NAV2: variants seen among roughly 807,000 people sequenced by gnomAD.
NAV2 encodes the protein helicase, APC down-regulated 1.
A neutral mutation model predicts 223.2 loss-of-function variants in NAV2; 54 were observed. The observed-to-expected ratio is 0.24, with a 90% CI of 0.19 to 0.30. NAV2 has a LOEUF of 0.30. NAV2 is among the 10% of genes least tolerant of loss of function. The probability of loss-of-function intolerance (pLI) is 1.00; values close to 1 mark genes in which losing one functional copy is unlikely to be tolerated. For missense variants in NAV2, 2,806 were observed against 3,147.5 expected (o/e 0.89, Z 2.60); for synonymous variants, 1,279 against 1,239.3 (o/e 1.03, Z -0.67).
At chr11:19,527,817 T>C (rs2043890584) in intron 1 of NAV2, among the ~76,000 whole-genome samples, 1 of 152,188 alleles carries the variant, frequency 6.6e-6, no homozygotes, top group Non-Finnish European at 1.5e-5. Flanking sequence ...TGGTCCCTTC[T>C]GACTGGTCAA....
intron 1 of NAV2, among the ~76,000 whole-genome samples, chr11:19,830,802 T>C (rs2059887060): frequency 1.3e-5 from 2 of 152,336 alleles, no homozygotes; most frequent in Non-Finnish European, 2.9e-5. Context: ...AATGATCTTT[T>C]AAATTTCAAG....
chr11:19,410,203 G>A lies in NAV2; in HGVS notation c.75+59176G>A, dbSNP rs532290142. Among the ~76,000 whole-genome samples the A allele has an allele frequency of 1.7e-3, 261 of 152,282 alleles. 2 individuals carry two copies. Among genetic ancestry groups the A allele is most frequent in the Non-Finnish European group, 2.8e-3 (192 of 68,018 alleles). Reference sequence around the variant, plus strand: ...AACATGCAGAGGCAGCCTTAACTGCGTTATAAAGGTGGCAAACTTTTTGTT... The same window carrying A: ...AACATGCAGAGGCAGCCTTAACTGCATTATAAAGGTGGCAAACTTTTTGTT... On this transcript the variant is annotated intron_variant, in intron 1 of 37. Coordinates refer to the NAV2 transcript ENST00000360655.
In NAV2 at chr11:20,080,199, G is replaced by A. The variant is rs1206385049; in HGVS notation, c.5315G>A (p.Arg1772Gln). The change falls in exon 25 of 38, where the codon CGG becomes CAG. Residue 1772 changes from arginine (R) to glutamine (Q), a missense_variant. Arg to Gln is a conservative substitution (Grantham distance 43). This residue lies in a region of NAV2 where 824 missense variants were observed against 1,069.4 expected (regional missense o/e 0.77). Coordinates refer to ENST00000349880, the MANE Select transcript of NAV2 (RefSeq NM_145117.5). ...NIESDSKKKK[R>Q]KNWLRSSFKQ... ...GAGAGTGACTCAAAGAAGAAGAAGCGGAAGAACTGGGTGAGTGCACATCCA... is the reference window on the plus strand; with the variant it reads ...GAGAGTGACTCAAAGAAGAAGAAGCAGAAGAACTGGGTGAGTGCACATCCA... The A allele has an allele frequency of 2.5e-6, 4 of 1,613,408 alleles. No individual in the cohort carries two copies. Among genetic ancestry groups the A allele is most frequent in the Non-Finnish European group, 3.4e-6 (4 of 1,179,548 alleles).
chr11:19,442,510 A>G (rs1038910000), intron 1 of NAV2, among the ~76,000 whole-genome samples: 18 of 152,336 alleles, frequency 1.2e-4, no homozygotes, highest in African/African-American at 4.1e-4. Context: ...CTGGTGGTGG[A>G]TATGGCTAGA....
intron 1 of NAV2, among the ~76,000 whole-genome samples, chr11:19,402,155 C>T (rs1332834354): frequency 2.0e-5 from 3 of 152,164 alleles, no homozygotes; most frequent in Non-Finnish European, 4.4e-5. Flanking sequence ...CCTAAGGCCA[C>T]CTCTCTAGAT....
At chr11:19,719,643 C>T (rs1367110314) in intron 1 of NAV2, among the ~76,000 whole-genome samples, 1 of 152,204 alleles carries the variant, frequency 6.6e-6, no homozygotes, top group African/African-American at 2.4e-5. Context: ...ATTCCAAGCT[C>T]ACGTTCTTTC....
rs1288600369 is a variant in NAV2, at chr11:20,113,928, CTT to C, written c.6961-663_6961-662del. On this transcript the variant is annotated intron_variant, in intron 36 of 37. Coordinates refer to ENST00000349880, the MANE Select transcript of NAV2 (RefSeq NM_145117.5). ...TTGGGAGGCTGAGGCAGGAGCATCACTTGAGCCCGGGAGATTGAGGCCACAGG... is the reference window on the plus strand; with the variant it reads ...TTGGGAGGCTGAGGCAGGAGCATCACGAGCCCGGGAGATTGAGGCCACAGG... 2.6e-5 allele frequency among the ~76,000 whole-genome samples: 4 copies of C among 152,302 alleles called. No homozygotes were observed. The East Asian group carries it at 5.8e-4, about 22-fold the overall frequency.
chr11:20,040,349 G>T (rs1037779649), intron 12 of NAV2, among the ~76,000 whole-genome samples: 1 of 152,194 alleles, frequency 6.6e-6, no homozygotes, highest in Non-Finnish European at 1.5e-5. Context: ...AGGAAAGTTG[G>T]TAATGAATAG....
At chr11:19,538,816 C>A (rs548648954) in intron 1 of NAV2, among the ~76,000 whole-genome samples, 20 of 151,656 alleles carry the variant, frequency 1.3e-4, no homozygotes, top group Non-Finnish European at 2.5e-4. Flanking sequence ...TTTTGTGTAC[C>A]CTTTACCCAG....
At chr11:20,047,750 A>G (rs528021020) in intron 14 of NAV2, among the ~76,000 whole-genome samples, 82 of 152,280 alleles carry the variant, frequency 5.4e-4, no homozygotes, top group East Asian at 5.8e-4. Flanking sequence ...GATTTATAGG[A>G]CTGTCTAGAG....
At chr11:19,505,254 G>C (rs1461826623) in intron 1 of NAV2, 2 of 152,336 alleles carry the variant, frequency 1.3e-5, no homozygotes, top group South Asian at 4.1e-4. Context: ...ACTGCCATTA[G>C]GACATTCTCT....
At chr11:20,010,319 C>T (rs11605275) in intron 11 of NAV2, among the ~76,000 whole-genome samples, 9,752 of 152,228 alleles carry the variant, frequency 0.064, 348 homozygotes, top group South Asian at 0.11. Flanking sequence ...TTTAGAGACT[C>T]ATTTACAAGA....
intron 5 of NAV2, chr11:19,884,219 CTT>C: frequency 8.9e-7 from 1 of 1,120,866 alleles, no homozygotes; most frequent in Middle Eastern, 2.0e-4. Flanking sequence ...TCAGAAGACT[CTT>C]AGGATTTGTG....
intron 5 of NAV2, among the ~76,000 whole-genome samples, chr11:19,881,618 G>T (rs1245482777): frequency 6.6e-6 from 1 of 152,140 alleles, no homozygotes; most frequent in African/African-American, 2.4e-5. Flanking sequence ...TATTTAATTG[G>T]TATTAAGCCT....
intron 8 of NAV2, among the ~76,000 whole-genome samples, chr11:19,945,547 G>T (rs899152124): frequency 2.6e-5 from 4 of 152,158 alleles, no homozygotes; most frequent in Non-Finnish European, 5.9e-5. Context: ...GTTTTGCCAT[G>T]TTTCCCAGGC....
At chr11:20,050,675 T>G (rs1236896190) in intron 16 of NAV2, among the ~76,000 whole-genome samples, 4 of 152,062 alleles carry the variant, frequency 2.6e-5, no homozygotes, top group Non-Finnish European at 4.4e-5. Flanking sequence ...GAAATCCAAG[T>G]GCTTTGACTT....
intron 1 of NAV2, among the ~76,000 whole-genome samples, chr11:19,728,942 A>G (rs149467680): frequency 1.1e-3 from 167 of 152,326 alleles, no homozygotes; most frequent in African/African-American, 3.8e-3. Flanking sequence ...CAAGAGAGAG[A>G]TGCCAAGAGT....
chr11:19,888,118 T>A (rs986724952), intron 5 of NAV2, among the ~76,000 whole-genome samples: 2 of 152,140 alleles, frequency 1.3e-5, no homozygotes, highest in African/African-American at 4.8e-5. Context: ...CCCCCACCGC[T>A]TACACCACTT....
chr11:19,719,667 T>C (rs946088169), intron 1 of NAV2, among the ~76,000 whole-genome samples: 7 of 152,210 alleles, frequency 4.6e-5, no homozygotes, highest in African/African-American at 1.7e-4. Context: ...CCTACCTCTC[T>C]GCCTCCCAAG....
Sources: gnomAD v4.1 joint callset for allele counts (sites outside exome capture counted in the v4.1 genomes callset) on GRCh38, gnomAD v4.1.1 for gene constraint, gnomAD v4.1.1 regional missense constraint, MANE v1.5 for transcripts, NCBI Gene and HGNC (gene_info 2026-07-23, HGNC 2026-07-21) for gene names.